Variants in SHISA6 observed in about 807,000 individuals in gnomAD.
The protein encoded by SHISA6 is protein shisa-6.
In SHISA6, 22 loss-of-function variants were observed where a neutral mutation model predicts 47.9. That is an observed-to-expected ratio of 0.46 (90% CI 0.33 to 0.66). The LOEUF (loss-of-function observed/expected upper bound fraction) is 0.66, where lower values mean the gene tolerates loss of function less well. Among genes scored for constraint, SHISA6 ranks in the 30% least tolerant of loss-of-function variants. The probability of loss-of-function intolerance (pLI) is 0.02; values close to 1 mark genes in which losing one functional copy is unlikely to be tolerated. For synonymous variants in SHISA6, 388 were observed against 337.8 expected (o/e 1.15, Z -1.63); for missense variants, 680 against 764.6 (o/e 0.89, Z 1.30).
In SHISA6 at chr17:11,324,225, C is replaced by T. The variant is rs140724525; in HGVS notation, c.800-55189C>T. 1.2e-4 allele frequency among the ~76,000 whole-genome samples: 18 copies of T among 152,274 alleles called. No homozygotes were observed. The East Asian group carries it at 1.4e-3, about 11-fold the overall frequency. ...TGTCAGACTGGCACACGTAGGCTGTCGAGTCTGATGCCCATACACAAGGGA... is the reference window on the plus strand; with the variant it reads ...TGTCAGACTGGCACACGTAGGCTGTTGAGTCTGATGCCCATACACAAGGGA... On this transcript the variant is annotated intron_variant, in intron 2 of 5. Coordinates refer to ENST00000441885, the MANE Select transcript of SHISA6 (RefSeq NM_207386.4).
intron 3 of SHISA6, among the ~76,000 whole-genome samples, chr17:11,392,008 T>G (rs1913401357): frequency 6.6e-6 from 1 of 152,096 alleles, no homozygotes; most frequent in African/African-American, 2.4e-5. Context: ...TTTTCTAAGG[T>G]TAATAGCAGA....
At chr17:11,285,926 T>A (rs1220615508) in intron 2 of SHISA6, among the ~76,000 whole-genome samples, 2 of 151,620 alleles carry the variant, frequency 1.3e-5, no homozygotes, top group Non-Finnish European at 2.9e-5. Flanking sequence ...AACGTCAGTC[T>A]CGTGGGTTCA....
intron 2 of SHISA6, among the ~76,000 whole-genome samples, chr17:11,279,576 G>A (rs764778649): frequency 2.0e-5 from 3 of 152,026 alleles, no homozygotes; most frequent in African/African-American, 7.2e-5. Flanking sequence ...ATCCTGTAAG[G>A]TCAGTAATAT....
chr17:11,357,639 C>T (rs1329504067), intron 2 of SHISA6, among the ~76,000 whole-genome samples: 2 of 152,196 alleles, frequency 1.3e-5, no homozygotes, highest in East Asian at 3.8e-4. Context: ...AAGATAGCAT[C>T]AAGTGACTGT....
At chr17:11,331,571 C>T (rs557826237) in intron 2 of SHISA6, among the ~76,000 whole-genome samples, 6 of 152,250 alleles carry the variant, frequency 3.9e-5, no homozygotes, top group Non-Finnish European at 8.8e-5. Flanking sequence ...CTAAAATAGA[C>T]GAGATGGCAT....
intron 2 of SHISA6, among the ~76,000 whole-genome samples, chr17:11,323,669 A>AAATAAT (rs60694925): frequency 0.013 from 1,748 of 132,040 alleles, 28 homozygotes; most frequent in African/African-American, 0.039. Context: ...TAAATAAATA[A>AAATAAT]AATAATAATA....
chr17:11,547,316 C>G (rs947935841), intron 3 of SHISA6, among the ~76,000 whole-genome samples: 2 of 152,146 alleles, frequency 1.3e-5, no homozygotes, highest in African/African-American at 4.8e-5. Flanking sequence ...GTATATTAGT[C>G]CACAAAGGAA....
chr17:11,541,396 T>C (rs1023655991), intron 3 of SHISA6, among the ~76,000 whole-genome samples: 12 of 152,224 alleles, frequency 7.9e-5, no homozygotes, highest in Non-Finnish European at 1.6e-4. Context: ...TATGGAATCA[T>C]GTTGGCCCCC....
intron 2 of SHISA6, among the ~76,000 whole-genome samples, chr17:11,272,763 C>T (rs1434423277): frequency 1.3e-5 from 2 of 152,158 alleles, no homozygotes; most frequent in Non-Finnish European, 2.9e-5. Context: ...GGTCAGAAGT[C>T]CCAGTAAGTC....
intron 2 of SHISA6, among the ~76,000 whole-genome samples, chr17:11,303,667 C>A (rs1910005491): frequency 1.3e-5 from 2 of 152,190 alleles, no homozygotes; most frequent in African/African-American, 4.8e-5. Context: ...ATACAGAGGA[C>A]AAGGGAGCCA....
chr17:11,271,301 T>G (rs1332544955), intron 2 of SHISA6, among the ~76,000 whole-genome samples: 1 of 151,932 alleles, frequency 6.6e-6, no homozygotes, highest in Non-Finnish European at 1.5e-5. Context: ...ATCACTTAGG[T>G]GATGAGGTTG....
chr17:11,505,795 C>G (rs981887606), intron 3 of SHISA6, among the ~76,000 whole-genome samples: 69 of 152,190 alleles, frequency 4.5e-4, no homozygotes, highest in African/African-American at 1.6e-3. Flanking sequence ...AACCTATGTG[C>G]TTTGTGCTAT....
rs903369039 is a variant in SHISA6, at chr17:11,241,331, GC to G, written c.-89del. On this transcript the variant is annotated 5_prime_UTR_variant, in exon 1 of 6. Coordinates refer to ENST00000441885, the MANE Select transcript of SHISA6 (RefSeq NM_207386.4). The surrounding 1 kb of genome is among the most constrained non-coding windows in gnomAD (Gnocchi z 5.5). ...AGCCGCTGACCGCTCAGCGCCTCCAGCCCGGCCCGCGCGGCGGGTCCTCCGA... is the reference window on the plus strand; with the variant it reads ...AGCCGCTGACCGCTCAGCGCCTCCAGCCGGCCCGCGCGGCGGGTCCTCCGA... The G allele has an allele frequency of 4.7e-6, 4 of 844,288 alleles. No homozygotes were observed. Among genetic ancestry groups the G allele is most frequent in the Non-Finnish European group, 5.7e-6 (4 of 700,494 alleles). 52.3% of individuals were successfully genotyped at this position (844,288 alleles called of 1,614,324 possible).
At chr17:11,543,942 C>T (rs185856322) in intron 3 of SHISA6, among the ~76,000 whole-genome samples, 1 of 141,946 alleles carries the variant, frequency 7.0e-6, no homozygotes, top group Non-Finnish European at 1.5e-5. Context: ...AAAAGAACTT[C>T]AATGTAAGTC....
chr17:11,512,186 T>C (rs2071546615), intron 3 of SHISA6, among the ~76,000 whole-genome samples: 1 of 152,196 alleles, frequency 6.6e-6, no homozygotes, highest in African/African-American at 2.4e-5. Context: ...TGATGACCTA[T>C]GTAATTTTTT....
chr17:11,303,136 C>A (rs532873633), intron 2 of SHISA6, among the ~76,000 whole-genome samples: 4 of 151,796 alleles, frequency 2.6e-5, no homozygotes, highest in Non-Finnish European at 5.9e-5. Flanking sequence ...TGTGTGTGTA[C>A]GTATCAGTGT....
rs1170427944 is a variant in SHISA6 at position 11,561,952 on chromosome 17, T to C, written c.*3648T>C. The C allele has an allele frequency of 6.6e-6, 1 of 152,060 alleles. No homozygotes were observed. Among genetic ancestry groups the C allele is most frequent in the East Asian group, 1.9e-4 (1 of 5,146 alleles). 9.4% of individuals were successfully genotyped at this position (152,060 alleles called of 1,614,324 possible). ...AGGGAAGGGAATGGAGCTCTGGGTT[T>C]GAGATGTCATGGCCTGTGATAGTCA... On this transcript the variant is annotated 3_prime_UTR_variant, in exon 6 of 6. Coordinates refer to ENST00000441885, the MANE Select transcript of SHISA6 (RefSeq NM_207386.4).
chr17:11,502,822 G>A (rs1405858244), intron 3 of SHISA6, among the ~76,000 whole-genome samples: 2 of 152,228 alleles, frequency 1.3e-5, no homozygotes, highest in Non-Finnish European at 2.9e-5. Context: ...GCTCACCTTT[G>A]TATGCAGTAG....
At chr17:11,491,516 C>T (rs1215757190) in intron 3 of SHISA6, among the ~76,000 whole-genome samples, 3 of 151,976 alleles carry the variant, frequency 2.0e-5, no homozygotes, top group African/African-American at 7.2e-5. Context: ...GTTACCCAGG[C>T]TGGTCTCGAA....
Sources: gnomAD v4.1 joint callset for allele counts (sites outside exome capture counted in the v4.1 genomes callset) on GRCh38, gnomAD v4.1.1 for gene constraint, Gnocchi (gnomAD v3.1) non-coding constraint, MANE v1.5 for transcripts, NCBI Gene and HGNC (gene_info 2026-07-23, HGNC 2026-07-21) for gene names.